The following MAP2K6 variants were observed in gnomAD, a reference collection of about 807,000 sequenced individuals.
MAP2K6 encodes dual specificity mitogen-activated protein kinase kinase 6.
Under a neutral mutation model 53.7 loss-of-function variants are expected in MAP2K6, and 16 were observed. That is an observed-to-expected ratio of 0.30 (90% CI 0.20 to 0.45). The LOEUF is 0.45. Among genes scored for constraint, MAP2K6 ranks in the 20% least tolerant of loss-of-function variants. The probability of loss-of-function intolerance (pLI) is 1.00; values close to 1 mark genes in which losing one functional copy is unlikely to be tolerated. For missense variants in MAP2K6, 204 were observed against 411.9 expected (o/e 0.50, Z 4.37); for synonymous variants, 132 against 143.1 (o/e 0.92, Z 0.55).
At chr17:69,462,498 G>GT (rs1169631948) in intron 1 of MAP2K6, among the ~76,000 whole-genome samples, 2 of 152,086 alleles carry the variant, frequency 1.3e-5, no homozygotes, top group East Asian at 3.9e-4. Flanking sequence ...TTAGGTTCAA[G>GT]TCCCATTTCC....
chr17:69,496,510 A>G (rs956507638), intron 1 of MAP2K6, among the ~76,000 whole-genome samples: 1 of 152,022 alleles, frequency 6.6e-6, no homozygotes, highest in African/African-American at 2.4e-5. Flanking sequence ...CTGGGATTAC[A>G]GGCGTGTGCC....
intron 1 of MAP2K6, among the ~76,000 whole-genome samples, chr17:69,439,393 T>C (rs1906749044): frequency 6.6e-6 from 1 of 152,214 alleles, no homozygotes; most frequent in Non-Finnish European, 1.5e-5. Flanking sequence ...AATTCTCGAT[T>C]TCCTCTATTC....
At chr17:69,523,142 T>C (rs750405278) in intron 7 of MAP2K6, among the ~76,000 whole-genome samples, 1 of 152,230 alleles carries the variant, frequency 6.6e-6, no homozygotes, top group Non-Finnish European at 1.5e-5. Flanking sequence ...GCCTTTTTGT[T>C]CTTTGTTTTA....
chr17:69,524,588 A>G (rs1910662946), intron 8 of MAP2K6, among the ~76,000 whole-genome samples: 1 of 152,096 alleles, frequency 6.6e-6, no homozygotes, highest in South Asian at 2.1e-4. Context: ...GTTTTAAACA[A>G]GGATAATTCT....
chr17:69,529,960 C>T (rs1255080812), intron 10 of MAP2K6, among the ~76,000 whole-genome samples: 1 of 152,140 alleles, frequency 6.6e-6, no homozygotes, highest in Non-Finnish European at 1.5e-5. Flanking sequence ...CCCCTTCTCT[C>T]TCATTTTCTT....
chr17:69,436,439 A>G (rs182507263), intron 1 of MAP2K6, among the ~76,000 whole-genome samples: 31 of 152,326 alleles, frequency 2.0e-4, no homozygotes, highest in Admixed American at 7.8e-4. Context: ...CCTTGGAAAG[A>G]ATTTTAAGAA....
chr17:69,510,785 A>G (rs1909769197), intron 2 of MAP2K6, among the ~76,000 whole-genome samples: 1 of 151,462 alleles, frequency 6.6e-6, no homozygotes, highest in Non-Finnish European at 1.5e-5. Flanking sequence ...ATGGCTGCAC[A>G]ATCTGTTGTG....
intron 10 of MAP2K6, among the ~76,000 whole-genome samples, chr17:69,535,473 C>T (rs1182883152): frequency 6.6e-6 from 1 of 152,066 alleles, no homozygotes; most frequent in East Asian, 1.9e-4. Flanking sequence ...TGCCTGTAAT[C>T]CCAACTACTC....
chr17:69,446,516 CAT>C (rs1160220994), intron 1 of MAP2K6, among the ~76,000 whole-genome samples: 1 of 152,210 alleles, frequency 6.6e-6, no homozygotes, highest in Non-Finnish European at 1.5e-5. Flanking sequence ...CCAGAGCTCT[CAT>C]GTGTATCAGC....
intron 4 of MAP2K6, among the ~76,000 whole-genome samples, 168 bp downstream of exon 4, chr17:69,517,781 C>A (rs1442549069): frequency 2.6e-5 from 4 of 152,176 alleles, no homozygotes; most frequent in African/African-American, 9.7e-5. Context: ...GAAAAGTCTT[C>A]CTTGGTGTGA....
intron 1 of MAP2K6, among the ~76,000 whole-genome samples, chr17:69,446,103 A>G (rs758707796): frequency 1.8e-4 from 28 of 152,240 alleles, no homozygotes; most frequent in Non-Finnish European, 3.5e-4. Flanking sequence ...TTGGGTATGC[A>G]GCATGTTGTT....
At chr17:69,445,242 A>G (rs909368053) in intron 1 of MAP2K6, among the ~76,000 whole-genome samples, 1 of 152,212 alleles carries the variant, frequency 6.6e-6, no homozygotes. Flanking sequence ...TTCATCAGAA[A>G]GAAATTTTAC....
Position 69,487,735 on chromosome 17 carries a change from T to G in MAP2K6, c.17-18045T>G, listed in dbSNP as rs1908600462. On this transcript the variant is annotated intron_variant, in intron 1 of 11. Coordinates refer to ENST00000590474, the MANE Select transcript of MAP2K6 (RefSeq NM_002758.4). ...TTTTCCAATTTACTACATATAACTTTGTTGGAGACTTTAAAATCATCTGAC... is the reference window on the plus strand; with the variant it reads ...TTTTCCAATTTACTACATATAACTTGGTTGGAGACTTTAAAATCATCTGAC... Among the ~76,000 whole-genome samples, 3 of 152,350 alleles carry G rather than the reference T, an allele frequency of 2.0e-5. No homozygotes were observed. In the South Asian group the frequency reaches 6.2e-4, roughly 32 times the overall value.
intron 1 of MAP2K6, among the ~76,000 whole-genome samples, chr17:69,460,249 A>G (rs542971606): frequency 2.0e-4 from 31 of 152,226 alleles, no homozygotes; most frequent in African/African-American, 7.5e-4. Context: ...TGGTGAGGGG[A>G]GGGTGTCATG....
chr17:69,417,799 A>G (rs919234403), intron 1 of MAP2K6, among the ~76,000 whole-genome samples: 1 of 152,206 alleles, frequency 6.6e-6, no homozygotes, highest in African/African-American at 2.4e-5. Flanking sequence ...GAGGGAGAGA[A>G]AGAGGGAGGT....
chr17:69,444,360 T>C (rs1315148620), intron 1 of MAP2K6, among the ~76,000 whole-genome samples: 1 of 152,254 alleles, frequency 6.6e-6, no homozygotes, highest in South Asian at 2.1e-4. Context: ...TCTGGGTCAA[T>C]GAGTTTTTTG....
At position 69,542,961 on chromosome 17, in the gene MAP2K6, G is replaced by C. The variant is rs913674317; in HGVS notation, c.*1208G>C. ...AATTCCTGGGCATGGACTACCAGAT[G>C]ACCACAAGTTGCGTTGAGGCCGCAT... On this transcript the variant is annotated 3_prime_UTR_variant, in exon 12 of 12. Transcript: ENST00000590474. 2 of 152,192 alleles carry C rather than the reference G, an allele frequency of 1.3e-5. No individual in the cohort carries two copies. Among genetic ancestry groups the C allele is most frequent in the African/African-American group, 4.8e-5 (2 of 41,454 alleles). 9.4% of individuals were successfully genotyped at this position (152,192 alleles called of 1,614,324 possible).
intron 4 of MAP2K6, among the ~76,000 whole-genome samples, chr17:69,518,477 T>C (rs1371088296): frequency 6.6e-6 from 1 of 152,142 alleles, no homozygotes; most frequent in African/African-American, 2.4e-5. Flanking sequence ...GTAAAATATA[T>C]CTAGAGTAAA....
At chr17:69,473,288 G>T (rs1908040473) in intron 1 of MAP2K6, among the ~76,000 whole-genome samples, 1 of 152,108 alleles carries the variant, frequency 6.6e-6, no homozygotes, top group South Asian at 2.1e-4. Context: ...TACAAAAATA[G>T]GATTAATTTC....
Sources: gnomAD v4.1 joint callset for allele counts (sites outside exome capture counted in the v4.1 genomes callset) on GRCh38, gnomAD v4.1.1 for gene constraint, MANE v1.5 for transcripts, NCBI Gene and HGNC (gene_info 2026-07-23, HGNC 2026-07-21) for gene names.